The following GHSR variants were observed in gnomAD, a reference collection of about 807,000 sequenced individuals.
The protein encoded by GHSR is growth hormone secretagogue receptor type 1.
GHSR carries 17 observed loss-of-function variants against 24.0 expected under a neutral mutation model. The observed-to-expected ratio is 0.71, with a 90% CI of 0.49 to 1.06. The LOEUF (loss-of-function observed/expected upper bound fraction) is 1.06, where lower values mean the gene tolerates loss of function less well. GHSR is among the 50% of genes least tolerant of loss of function. The pLI, the probability that GHSR is intolerant of heterozygous loss-of-function variation, is 0.00. For synonymous variants in GHSR, 238 were observed against 208.1 expected (o/e 1.14, Z -1.24); for missense variants, 504 against 483.1 (o/e 1.04, Z -0.41).
In GHSR at chr3:172,448,098, A is replaced by G; in HGVS notation, c.316T>C (p.Tyr106His). Residue 106 changes from tyrosine to histidine, a missense_variant, in exon 1 of 2, where the codon TAC (tyrosine) becomes CAC (histidine). Transcript: ENST00000241256. This position sits in a 1 kb window ranked among gnomAD's most constrained non-coding sequence, Gnocchi z 4.8. ...MPLDLVRLWQ[Y>H]RPWNFGDLLC... ...AGGTCGCCGAAGTTCCAGGGCCGGT[A>G]CTGCCAGAGGCGAACGAGGTCCAGG... 6.2e-7 allele frequency: 1 copy of G among 1,614,242 alleles called. No individual in the cohort carries two copies. The highest frequency in any genetic ancestry group is 1.1e-5 in the South Asian group (1 of 91,092).
In GHSR at chr3:172,444,996, C is replaced by T. The variant is rs1737422769; in HGVS notation, c.*165G>A. ...AGCACTGATAATTGTGCGATCAAAT[C>T]AAACTGCTCACACCCTACAAATGAT... On this transcript the variant is annotated 3_prime_UTR_variant, in exon 2 of 2. Transcript: ENST00000241256. 4.0e-6 allele frequency: 3 copies of T among 749,576 alleles called. No homozygotes were observed. Among genetic ancestry groups the T allele is most frequent in the Non-Finnish European group, 6.8e-6 (3 of 443,916 alleles). 46.4% of individuals were successfully genotyped at this position (749,576 alleles called of 1,614,324 possible).
Position 172,448,170 on chromosome 3 carries a change from G to C in GHSR, c.244C>G (p.Leu82Val). 6.2e-7 allele frequency: 1 copy of C among 1,614,256 alleles called. No homozygotes were observed. Among genetic ancestry groups the C allele is most frequent in the Non-Finnish European group, 8.5e-7 (1 of 1,180,042 alleles). ...RELRTTTNLY[L>V]SSMAFSDLLI... ...AGATCGGAGAAGGCCATGCTGGACA[G>C]GTAGAGGTTGGTGGTGGTGCGCAGC... Residue 82 changes from leucine to valine, a missense_variant, in exon 1 of 2, where the codon CTG (leucine) becomes GTG (valine). Leu to Val is a conservative substitution (Grantham distance 32, BLOSUM62 1). Coordinates refer to ENST00000241256, the MANE Select transcript of GHSR (RefSeq NM_198407.2). This position sits in a 1 kb window ranked among gnomAD's most constrained non-coding sequence, Gnocchi z 4.8.
chr3:172,444,938 A>G lies in GHSR; in HGVS notation c.*223T>C, dbSNP rs1737421889. On this transcript the variant is annotated 3_prime_UTR_variant, in exon 2 of 2. Transcript: ENST00000241256. Reference sequence around the variant, plus strand: ...AGCACCCGCAGCAGAATGCAAAATCATAGACAGTGAATATGCAGAAATAGT... The same window carrying G: ...AGCACCCGCAGCAGAATGCAAAATCGTAGACAGTGAATATGCAGAAATAGT... Among the ~76,000 whole-genome samples the G allele has an allele frequency of 6.6e-6, 1 of 152,222 alleles. No homozygotes were observed. The highest frequency in any genetic ancestry group is 2.1e-4 in the South Asian group (1 of 4,832).
In GHSR at chr3:172,445,481, G is replaced by A; in HGVS notation, c.797-16C>T. Reference sequence around the variant, plus strand: ...ACCACTACAGCTAAAAGGACAATGGGAGAGAGATAGTCAGCTCAAGAAATG... The same window carrying A: ...ACCACTACAGCTAAAAGGACAATGGAAGAGAGATAGTCAGCTCAAGAAATG... On this transcript the variant is annotated splice_polypyrimidine_tract_variant and intron_variant, in intron 1 of 1. Coordinates refer to ENST00000241256, the MANE Select transcript of GHSR (RefSeq NM_198407.2). 6.2e-7 allele frequency: 1 copy of A among 1,606,874 alleles called. No homozygotes were observed. The highest frequency in any genetic ancestry group is 1.1e-5 in the South Asian group (1 of 90,474).
Position 172,443,660 on chromosome 3 carries a change from C to CTTA in GHSR, c.*1500_*1501insTAA, listed in dbSNP as rs1310927771. On this transcript the variant is annotated 3_prime_UTR_variant, in exon 2 of 2. Transcript: ENST00000241256. ...ATACCTTTAGTATGCAAAGAGTTGACTGTATAGGAAGCAATGTCAATATAA... is the reference window on the plus strand; with the variant it reads ...ATACCTTTAGTATGCAAAGAGTTGACTTATGTATAGGAAGCAATGTCAATATAA... Among the ~76,000 whole-genome samples the CTTA allele has an allele frequency of 1.3e-5, 2 of 151,962 alleles. No individual in the cohort carries two copies. The highest frequency in any genetic ancestry group is 2.9e-5 in the Non-Finnish European group (2 of 67,954).
At chr3:172,447,310 A>G (rs1191409364) in intron 1 of GHSR, among the ~76,000 whole-genome samples, 1 of 152,152 alleles carries the variant, frequency 6.6e-6, no homozygotes, top group Non-Finnish European at 1.5e-5. Flanking sequence ...TGCATGAAAG[A>G]GAGAAAGGAG....
rs927392554 is a variant in GHSR, at chr3:172,444,372, G to C, written c.*789C>G. 6.6e-6 allele frequency among the ~76,000 whole-genome samples: 1 copy of C among 152,092 alleles called. No individual in the cohort carries two copies. Among genetic ancestry groups the C allele is most frequent in the Non-Finnish European group, 1.5e-5 (1 of 68,000 alleles). On this transcript the variant is annotated 3_prime_UTR_variant, in exon 2 of 2. Coordinates refer to ENST00000241256, the MANE Select transcript of GHSR (RefSeq NM_198407.2). ...CTGTACTGTTCTGAGTGGTAACCTC[G>C]AGCTACTGGATACTTGAAATGTGAC...
At chr3:172,445,736 A>G (rs1371507920) in intron 1 of GHSR, among the ~76,000 whole-genome samples, 1 of 152,178 alleles carries the variant, frequency 6.6e-6, no homozygotes, top group Non-Finnish European at 1.5e-5. Flanking sequence ...AACTGACTAG[A>G]CCATTTATTC....
At position 172,444,102 on chromosome 3, in the gene GHSR, T is replaced by C. The variant is rs2108424081; in HGVS notation, c.*1059A>G. 6.6e-6 allele frequency among the ~76,000 whole-genome samples: 1 copy of C among 152,300 alleles called. No individual in the cohort carries two copies. Among genetic ancestry groups the C allele is most frequent in the South Asian group, 2.1e-4 (1 of 4,830 alleles). ...GCAGTTTGTGATTACCCATAATTGTTTTAAAAAGTTTCATTTCCTGAATAT... is the reference window on the plus strand; with the variant it reads ...GCAGTTTGTGATTACCCATAATTGTCTTAAAAAGTTTCATTTCCTGAATAT... On this transcript the variant is annotated 3_prime_UTR_variant, in exon 2 of 2. Transcript: ENST00000241256.
In GHSR at chr3:172,447,770, C is replaced by A. The variant is rs1433459828; in HGVS notation, c.644G>T (p.Trp215Leu). The change falls in exon 1 of 2, where the codon TGG (tryptophan) becomes TTG (leucine). Residue 215 changes from tryptophan (W) to leucine (L), a missense_variant. Physicochemically the swap from Trp to Leu is moderately conservative, Grantham distance 61. Transcript: ENST00000241256. ...VRSGLLTVMVWVSSIFFFLPV... is the reference protein window; with the variant it reads ...VRSGLLTVMVLVSSIFFFLPV... ...AAGGAAGAAGAAGATGCTGGACACC[C>A]ACACCATGACCGTGAGCAGTCCAGA... is the stretch of plus-strand genomic sequence containing the variant. 2 of 1,614,006 alleles carry A rather than the reference C, an allele frequency of 1.2e-6. No homozygotes were observed. Among genetic ancestry groups the A allele is most frequent in the Non-Finnish European group, 8.5e-7 (1 of 1,180,042 alleles).
chr3:172,447,850 G>GT lies in GHSR; in HGVS notation c.563dup (p.Asn188LysfsTer104). 1 of 1,613,988 alleles carries GT rather than the reference G, an allele frequency of 6.2e-7. No homozygotes were observed. ...CGTTGGTGTCCCAAGGGTCGGTGCCGTTCTCGTGCTCCACCCCGACTAGCA... is the reference window on the plus strand; with the variant it reads ...CGTTGGTGTCCCAAGGGTCGGTGCCGTTTCTCGTGCTCCACCCCGACTAGCA... On this transcript the variant is annotated frameshift_variant, in exon 1 of 2. Coordinates refer to ENST00000241256, the MANE Select transcript of GHSR (RefSeq NM_198407.2). LOFTEE classifies it high-confidence loss of function.
In GHSR at chr3:172,444,316, GTGAATGA is replaced by G. The variant is rs1229736035; in HGVS notation, c.*838_*844del. Reference sequence around the variant, plus strand: ...TTTATTTTTAAACATTTCATATAAGGTGAATGATAAGTTTTGTATATACTCTAGAGCT... The same window carrying G: ...TTTATTTTTAAACATTTCATATAAGGTAAGTTTTGTATATACTCTAGAGCT... On this transcript the variant is annotated 3_prime_UTR_variant, in exon 2 of 2. Coordinates refer to ENST00000241256, the MANE Select transcript of GHSR (RefSeq NM_198407.2). 1.3e-5 allele frequency among the ~76,000 whole-genome samples: 2 copies of G among 152,202 alleles called. No individual in the cohort carries two copies. Among genetic ancestry groups the G allele is most frequent in the East Asian group, 3.9e-4 (2 of 5,186 alleles).
chr3:172,444,137 C>G lies in GHSR; in HGVS notation c.*1024G>C, dbSNP rs9880206. On this transcript the variant is annotated 3_prime_UTR_variant, in exon 2 of 2. Transcript: ENST00000241256. ...TTCATTTCCTGAATATTAACACATGCAACTCAACTTAATTTAAAAATGTAT... is the reference window on the plus strand; with the variant it reads ...TTCATTTCCTGAATATTAACACATGGAACTCAACTTAATTTAAAAATGTAT... Among the ~76,000 whole-genome samples, 6,327 of 152,206 alleles carry G rather than the reference C, an allele frequency of 0.042. 225 individuals carry two copies. Among genetic ancestry groups the G allele is most frequent in the African/African-American group, 0.086 (3,582 of 41,520 alleles).
chr3:172,448,380 AC>A lies in GHSR; in HGVS notation c.33del (p.Phe12SerfsTer126), dbSNP rs1212518070. 4 of 1,598,658 alleles carry A rather than the reference AC, an allele frequency of 2.5e-6. No individual in the cohort carries two copies. In the Admixed American group the frequency reaches 6.7e-5, roughly 27 times the overall value. ...TCCAGGTCGGCCAGTGTGAGGTTGAACCCCGGCTCTTCGCTGGGCGTCGCGT... is the reference window on the plus strand; with the variant it reads ...TCCAGGTCGGCCAGTGTGAGGTTGAACCCGGCTCTTCGCTGGGCGTCGCGT... MWNATPSEEPGFNLTLADLDW... is the reference protein window; with the variant it reads MWNATPSEEPXFNLTLADLDW... On this transcript the variant is annotated frameshift_variant, in exon 1 of 2. Transcript: ENST00000241256. LOFTEE classifies it high-confidence loss of function. The surrounding 1 kb of genome is among the most constrained non-coding windows in gnomAD (Gnocchi z 4.8).
Position 172,448,452 on chromosome 3 carries a change from C to A in GHSR, c.-39G>T. 1 of 1,564,026 alleles carries A rather than the reference C, an allele frequency of 6.4e-7. No individual in the cohort carries two copies. The highest frequency in any genetic ancestry group is 8.6e-7 in the Non-Finnish European group (1 of 1,163,216). ...CTGAACAGGCTCTGGGACGTGACTG[C>A]GCTGGGAGGCTGGACCGAGCTGGCT... On this transcript the variant is annotated 5_prime_UTR_variant, in exon 1 of 2. Coordinates refer to ENST00000241256, the MANE Select transcript of GHSR (RefSeq NM_198407.2). This position sits in a 1 kb window ranked among gnomAD's most constrained non-coding sequence, Gnocchi z 4.8.
chr3:172,448,111 A>G lies in GHSR; in HGVS notation c.303T>C (p.Val101=). 6.2e-7 allele frequency: 1 copy of G among 1,614,210 alleles called. No homozygotes were observed. The highest frequency in any genetic ancestry group is 8.5e-7 in the Non-Finnish European group (1 of 1,180,036). ...TCCAGGGCCGGTACTGCCAGAGGCGAACGAGGTCCAGGGGCATGCAGAGGA... is the reference window on the plus strand; with the variant it reads ...TCCAGGGCCGGTACTGCCAGAGGCGGACGAGGTCCAGGGGCATGCAGAGGA... ...LIFLCMPLDL[V]RLWQYRPWNF... is the part of the protein sequence containing the mutation. The change falls in exon 1 of 2, where the codon GTT becomes GTC. Residue 101 remains valine, a synonymous_variant. Transcript: ENST00000241256. This position sits in a 1 kb window ranked among gnomAD's most constrained non-coding sequence, Gnocchi z 4.8.
rs776960115 is a variant in GHSR at position 172,445,241 on chromosome 3, C to A, written c.1021G>T (p.Glu341Ter). Residue 341 changes from glutamate to a stop codon, truncating the protein, a stop_gained, in exon 2 of 2, where the codon GAA becomes TAA. Coordinates refer to ENST00000241256, the MANE Select transcript of GHSR (RefSeq NM_198407.2). LOFTEE classifies it high-confidence loss of function. ...RVAVFRLLGFEPFSQRKLSTL... is the reference protein window; with the variant it reads ...RVAVFRLLGF ...GAGAGCTTTCTCTGGGAGAAGGGTT[C>A]GAATCCCAGAAGTCTGAACACTGCC... is the stretch of plus-strand genomic sequence containing the variant. 6.2e-7 allele frequency: 1 copy of A among 1,613,858 alleles called. No homozygotes were observed. The highest frequency in any genetic ancestry group is 1.3e-5 in the African/African-American group (1 of 74,854).
In GHSR at chr3:172,448,336, G is replaced by T. The variant is rs199870358; in HGVS notation, c.78C>A (p.Gly26=). 1.9e-6 allele frequency: 3 copies of T among 1,604,672 alleles called. No individual in the cohort carries two copies. Among genetic ancestry groups the T allele is most frequent in the Non-Finnish European group, 2.5e-6 (3 of 1,179,814 alleles). The change falls in exon 1 of 2, where the codon GGC becomes GGA. Residue 26 remains glycine (G), a synonymous_variant. Coordinates refer to ENST00000241256, the MANE Select transcript of GHSR (RefSeq NM_198407.2). The surrounding 1 kb of genome is among the most constrained non-coding windows in gnomAD (Gnocchi z 4.8). The part of the protein sequence containing the change: ...LADLDWDASP[G]NDSLGDELLQ... ...GCAGCTCGTCGCCCAGCGAGTCGTT[G>T]CCGGGGGAAGCATCCCAGTCCAGGT...
intron 1 of GHSR, 180 bp downstream of exon 1, chr3:172,447,438 C>T (rs1737489574): frequency 7.4e-7 from 1 of 1,356,882 alleles, no homozygotes; most frequent in Non-Finnish European, 9.8e-7. Flanking sequence ...AAAAACATCA[C>T]TCAAGAAAGC....
Sources: gnomAD v4.1 joint callset for allele counts (sites outside exome capture counted in the v4.1 genomes callset) on GRCh38, gnomAD v4.1.1 for gene constraint, Gnocchi (gnomAD v3.1) non-coding constraint, MANE v1.5 for transcripts, NCBI Gene and HGNC (gene_info 2026-07-23, HGNC 2026-07-21) for gene names.